ZNF407: variants seen among roughly 807,000 people sequenced by gnomAD.
The protein encoded by ZNF407 is zinc finger protein 407.
In ZNF407, 17 loss-of-function variants were observed where a neutral mutation model predicts 131.2. That is an observed-to-expected ratio of 0.13 (90% CI 0.09 to 0.19). The LOEUF (loss-of-function observed/expected upper bound fraction) is 0.19, where lower values mean the gene tolerates loss of function less well. ZNF407 is among the 10% of genes least tolerant of loss of function. The pLI is 1.00. For missense variants in ZNF407, 2,681 were observed against 2,830.6 expected, an observed-to-expected ratio of 0.95 and a Z score of 1.20; for synonymous variants, 1,156 against 1,062.0, an observed-to-expected ratio of 1.09 and a Z score of -1.72.
chr18:74,911,759 T>C (rs1296907590), intron 7 of ZNF407, among the ~76,000 whole-genome samples: 1 of 152,172 alleles, frequency 6.6e-6, no homozygotes, highest in East Asian at 1.9e-4. Context: ...ATACGCATTC[T>C]AAAATAGTGA....
intron 3 of ZNF407, among the ~76,000 whole-genome samples, chr18:74,767,444 T>C (rs1428652397): frequency 6.6e-6 from 1 of 152,202 alleles, no homozygotes; most frequent in Non-Finnish European, 1.5e-5. Flanking sequence ...ATACAGATTA[T>C]ATTCTGTTTT....
chr18:74,765,417 C>T (rs1969207145), intron 3 of ZNF407, among the ~76,000 whole-genome samples: 1 of 151,972 alleles, frequency 6.6e-6, no homozygotes, highest in African/African-American at 2.4e-5. Context: ...GACCCTTGTT[C>T]TGAGATTGCA....
At chr18:74,838,223 A>G (rs1970584788) in intron 4 of ZNF407, among the ~76,000 whole-genome samples, 1 of 152,184 alleles carries the variant, frequency 6.6e-6, no homozygotes, top group South Asian at 2.1e-4. Flanking sequence ...TCCCAAGAAT[A>G]TATTTTTAGA....
At chr18:75,020,643 T>G (rs1973099158) in intron 8 of ZNF407, among the ~76,000 whole-genome samples, 1 of 152,188 alleles carries the variant, frequency 6.6e-6, no homozygotes, top group African/African-American at 2.4e-5. Flanking sequence ...ATATTAGAGC[T>G]ATAATCAATT....
intron 8 of ZNF407, among the ~76,000 whole-genome samples, chr18:74,984,185 C>T (rs1362329058): frequency 2.0e-5 from 3 of 152,174 alleles, no homozygotes; most frequent in East Asian, 1.9e-4. Context: ...CTGTGTACCT[C>T]GTTGTCCAGG....
At chr18:75,034,933 G>A (rs1322037764) in intron 8 of ZNF407, among the ~76,000 whole-genome samples, 1 of 152,122 alleles carries the variant, frequency 6.6e-6, no homozygotes, top group Non-Finnish European at 1.5e-5. Flanking sequence ...TAAACAGTTT[G>A]TGCTGCCATT....
intron 1 of ZNF407, among the ~76,000 whole-genome samples, chr18:74,619,134 A>G (rs1475245937): frequency 1.3e-5 from 2 of 152,190 alleles, no homozygotes; most frequent in Non-Finnish European, 2.9e-5. Flanking sequence ...ATTTCCTGGA[A>G]CAAAACCCAA....
chr18:74,659,801 C>T (rs1485229689), intron 3 of ZNF407, among the ~76,000 whole-genome samples: 1 of 152,100 alleles, frequency 6.6e-6, no homozygotes, highest in African/African-American at 2.4e-5. Flanking sequence ...TATTTAGGTA[C>T]AAGTTTTCTG....
chr18:75,029,864 A>AAACAG (rs1211650624), intron 8 of ZNF407, among the ~76,000 whole-genome samples: 3 of 152,240 alleles, frequency 2.0e-5, no homozygotes, highest in African/African-American at 7.2e-5. Context: ...GTCCATAAGA[A>AAACAG]AACAGAAAAA....
intron 4 of ZNF407, among the ~76,000 whole-genome samples, chr18:74,834,426 G>A (rs1339782103): frequency 6.6e-6 from 1 of 152,170 alleles, no homozygotes; most frequent in Non-Finnish European, 1.5e-5. Flanking sequence ...ACTCTCCTTA[G>A]AACCTGGTGG....
intron 3 of ZNF407, among the ~76,000 whole-genome samples, chr18:74,721,987 TA>T (rs896554338): frequency 3.9e-5 from 6 of 152,152 alleles, no homozygotes; most frequent in Admixed American, 3.9e-4. Flanking sequence ...TTTTTCTTTA[TA>T]TGGTATGAAG....
At chr18:75,024,252 T>C (rs1973145585) in intron 8 of ZNF407, among the ~76,000 whole-genome samples, 2 of 152,196 alleles carry the variant, frequency 1.3e-5, no homozygotes, top group African/African-American at 4.8e-5. Context: ...TCTGTTCATT[T>C]GTTAAGAGGG....
intron 3 of ZNF407, among the ~76,000 whole-genome samples, chr18:74,691,515 T>C (rs1023356891): frequency 6.6e-6 from 1 of 152,000 alleles, no homozygotes; most frequent in African/African-American, 2.4e-5. Flanking sequence ...TTTGGCTTCA[T>C]TGAGTCTTCT....
intron 3 of ZNF407, among the ~76,000 whole-genome samples, chr18:74,650,721 C>A (rs1985187314): frequency 6.6e-6 from 1 of 151,946 alleles, no homozygotes; most frequent in South Asian, 2.1e-4. Flanking sequence ...AGGGGTGGGC[C>A]ACGGGAATAT....
At chr18:74,800,463 G>A (rs1318641973) in intron 4 of ZNF407, among the ~76,000 whole-genome samples, 1 of 151,846 alleles carries the variant, frequency 6.6e-6, no homozygotes, top group African/African-American at 2.4e-5. Flanking sequence ...CAGTTGTTGA[G>A]ATCTTCAGTC....
At chr18:74,715,636 G>A (rs952867773) in intron 3 of ZNF407, among the ~76,000 whole-genome samples, 4 of 152,142 alleles carry the variant, frequency 2.6e-5, no homozygotes, top group Admixed American at 6.5e-5. Flanking sequence ...CTACATGCTC[G>A]AGGGTTACCC....
intron 8 of ZNF407, among the ~76,000 whole-genome samples, chr18:74,974,529 A>C (rs1972507393): frequency 6.6e-6 from 1 of 152,248 alleles, no homozygotes; most frequent in South Asian, 2.1e-4. Flanking sequence ...ATCATGCTAA[A>C]TATGAAACTG....
intron 3 of ZNF407, 106 bp from the exon 4 acceptor site, chr18:74,781,322 T>G: frequency 3.7e-6 from 3 of 815,350 alleles, no homozygotes; most frequent in Non-Finnish European, 5.7e-6. Context: ...GTAATACGCT[T>G]TTTATGTTAT....
intron 7 of ZNF407, among the ~76,000 whole-genome samples, chr18:74,907,379 C>T (rs1178020112): frequency 6.6e-6 from 1 of 152,186 alleles, no homozygotes; most frequent in African/African-American, 2.4e-5. Flanking sequence ...GGCTCTTACG[C>T]TGTGGGACTT....
Sources: allele counts gnomAD v4.1 joint callset (sites outside exome capture counted in the v4.1 genomes callset), GRCh38; gene constraint gnomAD v4.1.1; transcripts MANE v1.5; gene names NCBI Gene and HGNC (gene_info 2026-07-23, HGNC 2026-07-21).